Variants in TLK2 observed in about 807,000 individuals in gnomAD.
TLK2 encodes tousled like kinase 2, also known as serine/threonine-protein kinase tousled-like 2.
A neutral mutation model predicts 117.3 loss-of-function variants in TLK2; 6 were observed. The observed-to-expected ratio is 0.05, with a 90% CI of 0.03 to 0.10. The LOEUF is 0.10. TLK2 is among the 10% of genes least tolerant of loss of function. The pLI, the probability that TLK2 is intolerant of heterozygous loss-of-function variation, is 1.00. For missense variants in TLK2, 299 were observed against 901.2 expected (o/e 0.33, Z 8.56); for synonymous variants, 257 against 316.7 (o/e 0.81, Z 2.00).
chr17:62,574,339 T>C, intron 12 of TLK2: 22 of 1,543,020 alleles, frequency 1.4e-5, no homozygotes, highest in Non-Finnish European at 1.8e-5. Flanking sequence ...GCTTATTTTA[T>C]GCTAGGCCCT....
At chr17:62,606,031 A>C in intron 19 of TLK2, 99 bp from the exon 20 acceptor site, 1 of 371,292 alleles carries the variant, frequency 2.7e-6, no homozygotes, top group Non-Finnish European at 4.7e-6. Context: ...AAAAAACGAT[A>C]TTTCTATTTT....
chr17:62,586,265 T>C, intron 16 of TLK2, 39 bp downstream of exon 16: 8 of 1,412,264 alleles, frequency 5.7e-6, no homozygotes, highest in Non-Finnish European at 8.0e-6. Flanking sequence ...TAAAATTAAA[T>C]AATACCTGTA....
At chr17:62,538,309 A>G (rs2077261466) in intron 7 of TLK2, among the ~76,000 whole-genome samples, 1 of 152,128 alleles carries the variant, frequency 6.6e-6, no homozygotes, top group East Asian at 1.9e-4. Flanking sequence ...TGCTGGGATT[A>G]CAGGCATGAG....
intron 2 of TLK2, among the ~76,000 whole-genome samples, chr17:62,485,144 T>A (rs189979119): frequency 6.6e-6 from 1 of 152,312 alleles, no homozygotes; most frequent in Admixed American, 6.5e-5. Context: ...CAGAGTGACT[T>A]CCCTGTGATG....
intron 10 of TLK2, among the ~76,000 whole-genome samples, chr17:62,564,451 G>A (rs2079561511): frequency 6.7e-6 from 1 of 150,120 alleles, no homozygotes; most frequent in Non-Finnish European, 1.5e-5. Context: ...CAGGAGAATC[G>A]CTTGAACCCG....
chr17:62,538,555 A>G (rs951745068), intron 7 of TLK2, among the ~76,000 whole-genome samples: 1 of 152,186 alleles, frequency 6.6e-6, no homozygotes, highest in Non-Finnish European at 1.5e-5. Context: ...TCCCCTTTCC[A>G]TCTTCTGTAA....
rs144303189 is a variant in TLK2 at position 62,503,211 on chromosome 17, C to T, written c.82-17562C>T. On this transcript the variant is annotated intron_variant, in intron 2 of 21. Transcript: ENST00000346027. ...AGCAGCTGGGACTACAGGCACATGC[C>T]GCCATGCTTGGCTAATTTTTGTATT... Among the ~76,000 whole-genome samples, 409 of 151,982 alleles carry T rather than the reference C, an allele frequency of 2.7e-3. 2 individuals are homozygous for T. The highest frequency in any genetic ancestry group is 9.4e-3 in the African/African-American group (388 of 41,488).
At chr17:62,572,997 G>T in intron 11 of TLK2, 1 of 488,022 alleles carries the variant, frequency 2.0e-6, no homozygotes, top group South Asian at 2.8e-5. Flanking sequence ...TCTGAAAATA[G>T]TAATAACTAG....
chr17:62,477,394 T>C (rs2071085748), upstream of TLK2: 1 of 152,220 alleles, frequency 6.6e-6, no homozygotes, highest in Non-Finnish European at 1.5e-5. Flanking sequence ...AGATGACTCT[T>C]GGTTTAATGA....
At chr17:62,606,375 T>A in intron 20 of TLK2, 134 bp downstream of exon 20, 1 of 460,292 alleles carries the variant, frequency 2.2e-6, no homozygotes, top group Non-Finnish European at 3.8e-6. Flanking sequence ...AGGAGTGGTT[T>A]AAAGAAAATA....
chr17:62,476,301 C>T (rs1263225400), upstream of TLK2, among the ~76,000 whole-genome samples: 2 of 151,188 alleles, frequency 1.3e-5, no homozygotes, highest in African/African-American at 4.8e-5. Context: ...ATGGGATCAT[C>T]GGCCAGGCGC....
intron 2 of TLK2, among the ~76,000 whole-genome samples, chr17:62,505,619 T>C (rs2074618423): frequency 6.6e-6 from 1 of 151,948 alleles, no homozygotes; most frequent in South Asian, 2.1e-4. Context: ...TGAGACACCA[T>C]TTTAAAAATG....
rs143695451 is a variant in TLK2 at position 62,594,789 on chromosome 17, TACACACACACACACACAC to T, written c.1461-1771_1461-1754del. On this transcript the variant is annotated intron_variant, in intron 16 of 21. Coordinates refer to ENST00000346027, the MANE Select transcript of TLK2 (RefSeq NM_006852.6). ...GGATGCCATCCCATTGCAGGGCGGG[TACACACACACACACACAC>T]ACACACACACACACACACACACACC... 6.2e-3 allele frequency among the ~76,000 whole-genome samples: 900 copies of T among 145,514 alleles called. 6 individuals are homozygous for T. Among genetic ancestry groups the T allele is most frequent in the African/African-American group, 9.4e-3 (366 of 39,008 alleles).
At chr17:62,508,764 T>C (rs867839902) in intron 2 of TLK2, among the ~76,000 whole-genome samples, 1 of 152,180 alleles carries the variant, frequency 6.6e-6, no homozygotes, top group African/African-American at 2.4e-5. Context: ...AGTCAGGAGT[T>C]TGAGACCAGC....
At chr17:62,523,984 A>G (rs541127829) in intron 5 of TLK2, among the ~76,000 whole-genome samples, 8 of 152,204 alleles carry the variant, frequency 5.3e-5, no homozygotes, top group Admixed American at 4.6e-4. Context: ...TCCTTTCAAA[A>G]TCATGTATAC....
intron 2 of TLK2, among the ~76,000 whole-genome samples, chr17:62,499,908 TC>T (rs1249441758): frequency 1.3e-5 from 2 of 151,930 alleles, no homozygotes; most frequent in Non-Finnish European, 2.9e-5. Flanking sequence ...TAACAAGTTC[TC>T]CAAAGTTTTA....
At chr17:62,601,809 C>G (rs1023944343) in intron 18 of TLK2, among the ~76,000 whole-genome samples, 2 of 152,182 alleles carry the variant, frequency 1.3e-5, no homozygotes, top group Non-Finnish European at 2.9e-5. Context: ...CAGAGCTCAT[C>G]ATAGTGGTGG....
chr17:62,538,965 T>G (rs1163357153), intron 7 of TLK2, among the ~76,000 whole-genome samples: 8 of 152,216 alleles, frequency 5.3e-5, no homozygotes, highest in African/African-American at 1.2e-4. Context: ...CATGAAATAA[T>G]GCTCAATTTT....
intron 19 of TLK2, among the ~76,000 whole-genome samples, chr17:62,604,141 T>C (rs1388672878): frequency 6.6e-6 from 1 of 151,614 alleles, no homozygotes; most frequent in Non-Finnish European, 1.5e-5. Flanking sequence ...AGTAGCTGGG[T>C]TTACATGCAC....
Sources: gnomAD v4.1 joint callset for allele counts (sites outside exome capture counted in the v4.1 genomes callset) on GRCh38, gnomAD v4.1.1 for gene constraint, MANE v1.5 for transcripts, NCBI Gene and HGNC (gene_info 2026-07-23, HGNC 2026-07-21) for gene names.